TMEM201: variants seen among roughly 807,000 people sequenced by gnomAD.
The protein encoded by TMEM201 is RP13-15M17.2.
TMEM201 carries 26 observed loss-of-function variants against 63.4 expected under a neutral mutation model. The observed-to-expected ratio is 0.41, with a 90% CI of 0.30 to 0.57. The LOEUF is 0.57. Ranked by LOEUF, TMEM201 falls within the 20% of genes least tolerant of loss-of-function variation. The pLI is 0.29. For synonymous variants in TMEM201, 417 were observed against 421.6 expected, an observed-to-expected ratio of 0.99 and a Z score of 0.14; for missense variants, 794 against 917.7, an observed-to-expected ratio of 0.87 and a Z score of 1.74.
In TMEM201 at chr1:9,595,938, T is replaced by C. The variant is rs776156179; in HGVS notation, c.162T>C (p.Asp54=). ...TMVNCWFCNQ[D]TLVPYGNRNC... ...TCAACTGCTGGTTCTGCAACCAGGA[T>C]ACGCTGGTGCCCTATGGGAACCGCA... Residue 54 remains aspartate, a synonymous_variant, in exon 2 of 11, where the codon GAT becomes GAC. Transcript: ENST00000340381. 1.2e-6 allele frequency: 2 copies of C among 1,613,706 alleles called. No individual in the cohort carries two copies. Among genetic ancestry groups the C allele is most frequent in the East Asian group, 4.5e-5 (2 of 44,880 alleles).
intron 6 of TMEM201, 77 bp downstream of exon 6, chr1:9,602,349 C>A (rs1644161043): frequency 6.4e-7 from 1 of 1,556,508 alleles, no homozygotes; most frequent in Non-Finnish European, 8.7e-7. Context: ...CCGAAGCGGG[C>A]CCCTCTCTGT....
chr1:9,602,337 G>A (rs768368966), intron 6 of TMEM201, 65 bp downstream of exon 6: 5 of 1,575,166 alleles, frequency 3.2e-6, no homozygotes, highest in Admixed American at 1.8e-5. Flanking sequence ...GCTTTGCCAG[G>A]TCCGAAGCGG....
At chr1:9,596,109 T>G in intron 2 of TMEM201, 99 bp downstream of exon 2, 2 of 1,458,650 alleles carry the variant, frequency 1.4e-6, no homozygotes, top group Non-Finnish European at 1.9e-6. Context: ...GCCCCGGGGC[T>G]CATGGACCCC....
chr1:9,610,029 C>A lies in TMEM201; in HGVS notation c.1465+118C>A. ...AGACCCCAAGTGTGTGTTCACATCT[C>A]AGCCCTGGGCAAGTGACCTACACAC... On this transcript the variant is annotated intron_variant, in intron 8 of 10. Transcript: ENST00000340381. The surrounding 1 kb of genome is among the most constrained non-coding windows in gnomAD (Gnocchi z 4.9). 1.1e-6 allele frequency: 1 copy of A among 944,490 alleles called. No homozygotes were observed. Among genetic ancestry groups the A allele is most frequent in the Non-Finnish European group, 1.6e-6 (1 of 607,412 alleles). 58.5% of individuals were successfully genotyped at this position (944,490 alleles called of 1,614,324 possible).
Position 9,604,532 on chromosome 1 carries a change from C to T in TMEM201, c.1160+2260C>T. The T allele has an allele frequency of 1.0e-6, 1 of 985,440 alleles. No individual in the cohort carries two copies. The highest frequency in any genetic ancestry group is 1.2e-6 in the Non-Finnish European group (1 of 829,948). The allele number at this position is 985,440 out of a possible 1,614,324, so 61.0% of individuals were successfully genotyped here. On this transcript the variant is annotated intron_variant, in intron 6 of 10. Coordinates refer to ENST00000340381, the MANE Select transcript of TMEM201 (RefSeq NM_001130924.3). The surrounding 1 kb of genome is among the most constrained non-coding windows in gnomAD (Gnocchi z 4.1). ...GGCTTGTTGACCGGGAATGTGTCACCCCTGCCAGGGAACTCTTCTCCTCGC... is the reference window on the plus strand; with the variant it reads ...GGCTTGTTGACCGGGAATGTGTCACTCCTGCCAGGGAACTCTTCTCCTCGC...
At chr1:9,609,969 G>C in intron 8 of TMEM201, 58 bp downstream of exon 8, 1 of 1,506,598 alleles carries the variant, frequency 6.6e-7, no homozygotes, top group South Asian at 1.2e-5. Flanking sequence ...GGGCGTTCCA[G>C]AGCATGGTGG....
At position 9,607,720 on chromosome 1, in the gene TMEM201, CCCT is replaced by C. The variant is rs760304516; in HGVS notation, c.1329_1331del (p.Ser444del). 13 of 1,551,872 alleles carry C rather than the reference CCCT, an allele frequency of 8.4e-6. No individual in the cohort carries two copies. In the South Asian group the frequency reaches 1.4e-4, roughly 17 times the overall value. ...CTTCCGGTCTCCTCGACGGACCTCA[CCCT>C]CCTCATTGCCTGGCCGCCTCAGCCG... On this transcript the variant is annotated inframe_deletion, in exon 7 of 11. Transcript: ENST00000340381. This position sits in a 1 kb window ranked among gnomAD's most constrained non-coding sequence, Gnocchi z 5.4.
chr1:9,609,487 T>G (rs1359352495), intron 7 of TMEM201, among the ~76,000 whole-genome samples: 1 of 152,136 alleles, frequency 6.6e-6, no homozygotes, highest in Non-Finnish European at 1.5e-5. Flanking sequence ...AAGAAGGGCA[T>G]GGAACGAGGA....
intron 1 of TMEM201, among the ~76,000 whole-genome samples, chr1:9,594,057 G>A (rs1225742997): frequency 2.0e-5 from 3 of 152,180 alleles, no homozygotes; most frequent in Admixed American, 2.0e-4. Flanking sequence ...CTGTCCTAAT[G>A]CCGAGCACTG....
At position 9,607,059 on chromosome 1, in the gene TMEM201, C is replaced by T. The variant is rs929727914; in HGVS notation, c.1161-498C>T. On this transcript the variant is annotated intron_variant, in intron 6 of 10. Transcript: ENST00000340381. The surrounding 1 kb of genome is among the most constrained non-coding windows in gnomAD (Gnocchi z 5.4). ...CCTGGGAACAGAGGGTGCCCAGAGCCGTGCTGGGGCCTGACTTCCTATGAT... is the reference window on the plus strand; with the variant it reads ...CCTGGGAACAGAGGGTGCCCAGAGCTGTGCTGGGGCCTGACTTCCTATGAT... Among the ~76,000 whole-genome samples the T allele has an allele frequency of 6.6e-6, 1 of 152,140 alleles. No homozygotes were observed. Among genetic ancestry groups the T allele is most frequent in the Admixed American group, 6.5e-5 (1 of 15,270 alleles).
intron 4 of TMEM201, among the ~76,000 whole-genome samples, chr1:9,600,564 G>A (rs911120969): frequency 2.0e-5 from 3 of 152,212 alleles, no homozygotes; most frequent in African/African-American, 7.2e-5. Flanking sequence ...ACATGAAGGG[G>A]CCTGGGGAGC....
rs562624616 is a variant in TMEM201 at position 9,610,552 on chromosome 1, T to C, written c.1512T>C (p.Pro504=). The change falls in exon 9 of 11, where the codon CCT becomes CCC. Residue 504 remains proline (P), a synonymous_variant. Coordinates refer to ENST00000340381, the MANE Select transcript of TMEM201 (RefSeq NM_001130924.3). The surrounding 1 kb of genome is among the most constrained non-coding windows in gnomAD (Gnocchi z 4.9). ...GGAGCTGCCCCTCCTCCCCACTCCC[T>C]TCCCCAGCGCCTTCCGTGGCCGGCT... ...LSGSCPSSPL[P]SPAPSVAGSV... 7.0e-4 allele frequency: 1,089 copies of C among 1,547,824 alleles called. 10 individuals are homozygous for C. The African/African-American group carries it at 0.013, about 18-fold the overall frequency.
chr1:9,595,816 G>A lies in TMEM201; in HGVS notation c.114-74G>A. 3 of 1,597,204 alleles carry A rather than the reference G, an allele frequency of 1.9e-6. No homozygotes were observed. In the South Asian group the frequency reaches 3.3e-5, roughly 18 times the overall value. ...AGCACCCTTTCCCTGGTGGCCCTGGGGCAGGGCATGGAGGTCCCTCTCCAG... is the reference window on the plus strand; with the variant it reads ...AGCACCCTTTCCCTGGTGGCCCTGGAGCAGGGCATGGAGGTCCCTCTCCAG... On this transcript the variant is annotated intron_variant, in intron 1 of 10. Transcript: ENST00000340381.
chr1:9,590,310 C>T (rs1398796052), intron 1 of TMEM201, among the ~76,000 whole-genome samples: 3 of 152,210 alleles, frequency 2.0e-5, no homozygotes, highest in Non-Finnish European at 4.4e-5. Context: ...GTGATTTGCT[C>T]ACATTCCCAG....
intron 1 of TMEM201, among the ~76,000 whole-genome samples, chr1:9,589,910 G>A (rs1643891775): frequency 6.6e-6 from 1 of 152,246 alleles, no homozygotes; most frequent in Non-Finnish European, 1.5e-5. Flanking sequence ...AGGAAAAAGG[G>A]GAGAAGGGAC....
chr1:9,612,188 G>T (rs2100530831), intron 10 of TMEM201, among the ~76,000 whole-genome samples: 1 of 152,352 alleles, frequency 6.6e-6, no homozygotes, highest in East Asian at 1.9e-4. Context: ...TTCTTGAGCT[G>T]CACTAGCCAC....
Position 9,601,155 on chromosome 1 carries a change from C to T in TMEM201, c.657C>T (p.Ala219=). ...CGGTCCAGGTCATCCTGCTCCGTGCCCTCGCCTTCCTGGCCTGCGCCTTCC... is the reference window on the plus strand; with the variant it reads ...CGGTCCAGGTCATCCTGCTCCGTGCTCTCGCCTTCCTGGCCTGCGCCTTCC... The part of the protein sequence containing the change: ...KSPVQVILLR[A]LAFLACAFLL... The change falls in exon 5 of 11, where the codon GCC becomes GCT. Residue 219 remains alanine, a synonymous_variant. Coordinates refer to ENST00000340381, the MANE Select transcript of TMEM201 (RefSeq NM_001130924.3). 6.2e-7 allele frequency: 1 copy of T among 1,608,052 alleles called. No homozygotes were observed. The highest frequency in any genetic ancestry group is 8.5e-7 in the Non-Finnish European group (1 of 1,175,286).
chr1:9,610,076 C>T lies in TMEM201; in HGVS notation c.1465+165C>T, dbSNP rs115505738. On this transcript the variant is annotated intron_variant, in intron 8 of 10. Transcript: ENST00000340381. This position sits in a 1 kb window ranked among gnomAD's most constrained non-coding sequence, Gnocchi z 4.9. Reference sequence around the variant, plus strand: ...ACACCTGTGCCTCAGTTTCCTCTTGCGTGAAATGGGAATGACAGTCTCTAG... The same window carrying T: ...ACACCTGTGCCTCAGTTTCCTCTTGTGTGAAATGGGAATGACAGTCTCTAG... 3.6e-3 allele frequency among the ~76,000 whole-genome samples: 548 copies of T among 152,268 alleles called. 5 individuals carry two copies. The highest frequency in any genetic ancestry group is 0.012 in the African/African-American group (513 of 41,550).
chr1:9,598,696 G>A lies in TMEM201; in HGVS notation c.606+71G>A, dbSNP rs564572328. On this transcript the variant is annotated intron_variant, in intron 4 of 10. Transcript: ENST00000340381. ...TTCAGGAAACCCTCCCAGGAGGCTG[G>A]GCACTAGTGACCAGAGGGTAGCTCT... 4.3e-5 allele frequency: 64 copies of A among 1,499,684 alleles called. 1 individual carries two copies. The South Asian group carries it at 7.2e-4, about 17-fold the overall frequency. The allele number at this position is 1,499,684 out of a possible 1,614,324, so 92.9% of individuals were successfully genotyped here.
Sources: gnomAD v4.1 joint callset for allele counts (sites outside exome capture counted in the v4.1 genomes callset) on GRCh38, gnomAD v4.1.1 for gene constraint, Gnocchi (gnomAD v3.1) non-coding constraint, MANE v1.5 for transcripts, NCBI Gene and HGNC (gene_info 2026-07-23, HGNC 2026-07-21) for gene names.